SOX13: variants seen among roughly 807,000 people sequenced by gnomAD.
SOX13 encodes the protein transcription factor SOX-13.
In SOX13, 28 loss-of-function variants were observed where a neutral mutation model predicts 71.8. The observed-to-expected ratio is 0.39, with a 90% CI of 0.29 to 0.53. SOX13 has a LOEUF of 0.53. Among genes scored for constraint, SOX13 ranks in the 20% least tolerant of loss-of-function variants. The pLI, the probability that SOX13 is intolerant of heterozygous loss-of-function variation, is 0.70. For synonymous variants in SOX13, 309 were observed against 317.8 expected (o/e 0.97, Z 0.29); for missense variants, 627 against 810.3 (o/e 0.77, Z 2.75).
intron 1 of SOX13, among the ~76,000 whole-genome samples, chr1:204,092,193 ATT>A (rs1656160511): frequency 6.6e-6 from 1 of 150,784 alleles, no homozygotes; most frequent in Non-Finnish European, 1.5e-5. Flanking sequence ...CACATGGCTA[ATT>A]TTTAAGTTTT....
chr1:204,114,673 G>T, intron 4 of SOX13, 68 bp downstream of exon 4: 1 of 1,245,448 alleles, frequency 8.0e-7, no homozygotes, highest in South Asian at 1.2e-5. Context: ...TGGCCACGCA[G>T]CCTGGCTCTG....
Position 204,126,064 on chromosome 1 carries a change from G to C in SOX13, c.1799G>C (p.Arg600Pro), listed in dbSNP as rs201671514. 6.2e-7 allele frequency: 1 copy of C among 1,613,988 alleles called. No individual in the cohort carries two copies. Among genetic ancestry groups the C allele is most frequent in the Admixed American group, 1.7e-5 (1 of 60,026 alleles). The change falls in exon 14 of 14, where the codon CGG becomes CCG. Residue 600 changes from arginine to proline, a missense_variant. Physicochemically the swap from Arg to Pro is moderately radical, Grantham distance 103 (BLOSUM62 -2). Coordinates refer to ENST00000367204, the MANE Select transcript of SOX13 (RefSeq NM_005686.3). ...TCGGTGGCTGATGGCGAGATGTACC[G>C]GTACAGCGAGGACGAGGACTCGGAG... ...RHSVADGEMY[R>P]YSEDEDSEGE...
intron 1 of SOX13, among the ~76,000 whole-genome samples, chr1:204,080,221 C>G (rs1006966400): frequency 1.4e-4 from 21 of 152,212 alleles, no homozygotes; most frequent in African/African-American, 3.6e-4. Context: ...CACTCTCCCC[C>G]CAGCGGTGGC....
intron 4 of SOX13, chr1:204,116,080 T>C: frequency 1.0e-6 from 1 of 989,624 alleles, no homozygotes; most frequent in Middle Eastern, 4.5e-4. Flanking sequence ...GCCTAACAGC[T>C]CACAGACAGG....
At chr1:204,074,376 C>CT (rs1475957459) in intron 1 of SOX13, 12 of 151,858 alleles carry the variant, frequency 7.9e-5, no homozygotes, top group Admixed American at 1.3e-4. Flanking sequence ...ACCTCCCGCC[C>CT]TGGGATATCG....
rs192187583 is a variant in SOX13, at chr1:204,079,152, G to T, written c.-2+5441G>T. ...TCTCTACTAGAAATACAAAAAATTA[G>T]CCGGGCGTGGAGGCGTGTGCCTGTA... On this transcript the variant is annotated intron_variant, in intron 1 of 13. Transcript: ENST00000367204. 2.5e-3 allele frequency among the ~76,000 whole-genome samples: 379 copies of T among 152,102 alleles called. 2 individuals carry two copies. Among genetic ancestry groups the T allele is most frequent in the African/African-American group, 8.7e-3 (363 of 41,544 alleles).
Position 204,088,288 on chromosome 1 carries a change from A to T in SOX13, c.-2+14577A>T, listed in dbSNP as rs544944393. Reference sequence around the variant, plus strand: ...AGACCAAGGAGAGGCATTGGTGCAAAGGGGATGCTGGTCGATTCGGCTGGG... The same window carrying T: ...AGACCAAGGAGAGGCATTGGTGCAATGGGGATGCTGGTCGATTCGGCTGGG... On this transcript the variant is annotated intron_variant, in intron 1 of 13. Coordinates refer to ENST00000367204, the MANE Select transcript of SOX13 (RefSeq NM_005686.3). Among the ~76,000 whole-genome samples, 7 of 152,176 alleles carry T rather than the reference A, an allele frequency of 4.6e-5. No individual in the cohort carries two copies. In the East Asian group the frequency reaches 1.2e-3, roughly 25 times the overall value.
chr1:204,100,532 C>T (rs1273428082), intron 1 of SOX13, among the ~76,000 whole-genome samples: 2 of 152,134 alleles, frequency 1.3e-5, no homozygotes, highest in African/African-American at 4.8e-5. Flanking sequence ...CCCTTCCTTC[C>T]CTGCCCTTAT....
chr1:204,101,483 T>C (rs376925470), intron 1 of SOX13, among the ~76,000 whole-genome samples: 8 of 135,066 alleles, frequency 5.9e-5, no homozygotes, highest in African/African-American at 2.3e-4. Context: ...CTGGGCAACA[T>C]AGCGAGATTC....
rs1400576663 is a variant in SOX13, at chr1:204,115,478, T to TG, written c.418+873_418+874insG. The stretch of plus-strand genomic sequence containing the variant: ...ATCCATGAGTGATTCCGATGTTGTT[T>TG]TTTTTTTTTTTTTTAAAAAAAAAAA... On this transcript the variant is annotated intron_variant, in intron 4 of 13. Transcript: ENST00000367204. 1.5e-3 allele frequency among the ~76,000 whole-genome samples: 163 copies of TG among 110,478 alleles called. 1 individual carries two copies. The highest frequency in any genetic ancestry group is 5.0e-3 in the African/African-American group (157 of 31,172). The allele number at this position is 110,478 out of a possible 152,430, so 72.5% of individuals were successfully genotyped here. A position where few individuals can be genotyped will look rare whatever the true frequency, so the allele number is the denominator to read the frequency against.
chr1:204,103,789 G>A (rs1483044595), intron 1 of SOX13, among the ~76,000 whole-genome samples: 4 of 152,206 alleles, frequency 2.6e-5, no homozygotes, highest in African/African-American at 9.6e-5. Context: ...CACTGTTGGG[G>A]TGCAGGAGAA....
At chr1:204,121,239 G>T (rs901410264) in intron 7 of SOX13, among the ~76,000 whole-genome samples, 2 of 152,086 alleles carry the variant, frequency 1.3e-5, no homozygotes, top group African/African-American at 4.8e-5. Flanking sequence ...CACCCACCTT[G>T]TCCTCCCAAA....
chr1:204,105,747 A>G (rs937365122), intron 1 of SOX13, among the ~76,000 whole-genome samples: 11 of 152,116 alleles, frequency 7.2e-5, no homozygotes, highest in Non-Finnish European at 1.5e-4. Context: ...CGTGAACTCA[A>G]CATCTCCTGA....
At chr1:204,082,292 T>C (rs1009573326) in intron 1 of SOX13, among the ~76,000 whole-genome samples, 2 of 151,938 alleles carry the variant, frequency 1.3e-5, no homozygotes, top group Non-Finnish European at 2.9e-5. Flanking sequence ...GGGCCTGTGC[T>C]CTGGAGACCC....
In SOX13 at chr1:204,081,621, C is replaced by T. The variant is rs375760108; in HGVS notation, c.-2+7910C>T. On this transcript the variant is annotated intron_variant, in intron 1 of 13. Coordinates refer to ENST00000367204, the MANE Select transcript of SOX13 (RefSeq NM_005686.3). This position sits in a 1 kb window ranked among gnomAD's most constrained non-coding sequence, Gnocchi z 4.3. ...GGCTAGACAGGGAGGGGAGCCTTGG[C>T]GTGAGCTGCCCTCACACTGACTTAA... 6.6e-6 allele frequency among the ~76,000 whole-genome samples: 1 copy of T among 152,154 alleles called. No homozygotes were observed. Among genetic ancestry groups the T allele is most frequent in the Non-Finnish European group, 1.5e-5 (1 of 68,014 alleles).
intron 1 of SOX13, among the ~76,000 whole-genome samples, chr1:204,101,342 G>A (rs892760636): frequency 1.3e-5 from 2 of 152,072 alleles, no homozygotes; most frequent in African/African-American, 4.8e-5. Context: ...TCACAGATGG[G>A]TAGAGGCTGA....
chr1:204,089,541 C>T (rs900181868), intron 1 of SOX13, among the ~76,000 whole-genome samples: 1 of 152,158 alleles, frequency 6.6e-6, no homozygotes, highest in Admixed American at 6.5e-5. Flanking sequence ...TGTGAGGGGA[C>T]CCCGGAAGAG....
In SOX13 at chr1:204,126,013, AG is replaced by A. The variant is rs779184505; in HGVS notation, c.1751del (p.Gly584ValfsTer66). 1 of 1,613,836 alleles carries A rather than the reference AG, an allele frequency of 6.2e-7. No homozygotes were observed. The highest frequency in any genetic ancestry group is 8.5e-7 in the Non-Finnish European group (1 of 1,179,846). ...VIVNTCSLREEGEGTDDRHSV... is the reference protein window; with the variant it reads ...VIVNTCSLREXGEGTDDRHSV... ...GTCAACACCTGCAGCCTCAGAGAGG[AG>A]GGTGAGGGCACAGATGACAGGCACT... On this transcript the variant is annotated frameshift_variant, in exon 14 of 14. Transcript: ENST00000367204. LOFTEE classifies it high-confidence loss of function.
chr1:204,125,018 G>C (rs1008946768), intron 13 of SOX13, among the ~76,000 whole-genome samples, 161 bp downstream of exon 13: 1 of 152,118 alleles, frequency 6.6e-6, no homozygotes, highest in Admixed American at 6.5e-5. Context: ...GAGCCTGCAC[G>C]TGCGACCCGA....
Sources: gnomAD v4.1 joint callset for allele counts (sites outside exome capture counted in the v4.1 genomes callset) on GRCh38, gnomAD v4.1.1 for gene constraint, Gnocchi (gnomAD v3.1) non-coding constraint, MANE v1.5 for transcripts, NCBI Gene and HGNC (gene_info 2026-07-23, HGNC 2026-07-21) for gene names.